The following UBR3 variants were observed in gnomAD, a reference collection of about 807,000 sequenced individuals.
UBR3 encodes the protein E3 ubiquitin-protein ligase UBR3.
In UBR3, 85 loss-of-function variants were observed where a neutral mutation model predicts 243.2. The ratio of observed to expected loss-of-function variants is 0.35; its 90% CI spans 0.29 to 0.42. UBR3 has a LOEUF of 0.42. Ranked by LOEUF, UBR3 falls within the 10% of genes least tolerant of loss-of-function variation. UBR3 has a pLI of 1.00. For missense variants in UBR3, 1,686 were observed against 2,300.8 expected, an observed-to-expected ratio of 0.73 and a Z score of 5.47; for synonymous variants, 748 against 799.8, an observed-to-expected ratio of 0.94 and a Z score of 1.09.
At chr2:170,080,468 A>C in intron 37 of UBR3, 77 bp from the exon 38 acceptor site, 1 of 1,329,896 alleles carries the variant, frequency 7.5e-7, no homozygotes, top group Non-Finnish European at 1.0e-6. Flanking sequence ...ATTATTTAGA[A>C]GGCATTAATA....
chr2:169,884,044 G>A (rs1304621189), intron 5 of UBR3, among the ~76,000 whole-genome samples: 1 of 152,008 alleles, frequency 6.6e-6, no homozygotes, highest in Non-Finnish European at 1.5e-5. Context: ...TGTTGGACAG[G>A]CTGGTCTTGA....
At chr2:169,981,565 A>G (rs1380016170) in intron 24 of UBR3, among the ~76,000 whole-genome samples, 1 of 152,220 alleles carries the variant, frequency 6.6e-6, no homozygotes, top group African/African-American at 2.4e-5. Flanking sequence ...TCTTCTTAGA[A>G]GAACATAAGG....
At chr2:169,911,146 A>G (rs1341440367) in intron 10 of UBR3, among the ~76,000 whole-genome samples, 2 of 152,174 alleles carry the variant, frequency 1.3e-5, no homozygotes, top group African/African-American at 2.4e-5. Flanking sequence ...TAGCTCAGTC[A>G]GTAGAGCATC....
intron 35 of UBR3, among the ~76,000 whole-genome samples, chr2:170,069,586 C>T (rs2091653092): frequency 6.6e-6 from 1 of 151,988 alleles, no homozygotes; most frequent in South Asian, 2.1e-4. Context: ...GCCAACATCT[C>T]CCCATTTCTC....
chr2:169,878,689 G>A (rs935267889), intron 5 of UBR3, 115 bp downstream of exon 5: 23 of 970,212 alleles, frequency 2.4e-5, no homozygotes, highest in Non-Finnish European at 3.3e-5. Flanking sequence ...TAGGCATTAT[G>A]TAGTTTAAGT....
At chr2:169,924,446 A>T (rs1339108121) in intron 13 of UBR3, among the ~76,000 whole-genome samples, 1 of 152,124 alleles carries the variant, frequency 6.6e-6, no homozygotes, top group Non-Finnish European at 1.5e-5. Flanking sequence ...GAGTCAGGAG[A>T]TCCAAAAGAT....
chr2:169,936,286 C>T (rs913701149), intron 19 of UBR3, among the ~76,000 whole-genome samples: 92 of 151,990 alleles, frequency 6.1e-4, no homozygotes, highest in Admixed American at 4.3e-3. Flanking sequence ...CTCGAACTCC[C>T]GACCTCAGGT....
chr2:169,995,531 T>A (rs1159572088), intron 26 of UBR3, among the ~76,000 whole-genome samples: 4 of 152,240 alleles, frequency 2.6e-5, no homozygotes, highest in African/African-American at 9.6e-5. Context: ...TTGTTCCACA[T>A]CATCTGCTTA....
At chr2:169,875,057 A>G (rs1038237887) in intron 2 of UBR3, among the ~76,000 whole-genome samples, 1 of 151,140 alleles carries the variant, frequency 6.6e-6, no homozygotes, top group Non-Finnish European at 1.5e-5. Flanking sequence ...ACAATTATTC[A>G]TATTTATGAA....
At chr2:170,017,536 C>G (rs1470053974) in intron 30 of UBR3, among the ~76,000 whole-genome samples, 3 of 43,832 alleles carry the variant, frequency 6.8e-5, no homozygotes, top group East Asian at 7.6e-4. Flanking sequence ...CACACACACA[C>G]ACACACACAG....
At chr2:169,882,276 C>T (rs2083908584) in intron 5 of UBR3, among the ~76,000 whole-genome samples, 1 of 130,286 alleles carries the variant, frequency 7.7e-6, no homozygotes, top group Admixed American at 8.2e-5. Context: ...ATTTGTATAT[C>T]ATATATTTAT....
At chr2:169,842,091 G>A (rs1360353126) in intron 1 of UBR3, among the ~76,000 whole-genome samples, 1 of 152,126 alleles carries the variant, frequency 6.6e-6, no homozygotes, top group Non-Finnish European at 1.5e-5. Flanking sequence ...GTTTGTGAGT[G>A]CACCAATCGA....
chr2:169,846,709 C>CAAA (rs58234876), intron 1 of UBR3, among the ~76,000 whole-genome samples: 8 of 114,734 alleles, frequency 7.0e-5, no homozygotes, highest in South Asian at 5.6e-4. Flanking sequence ...GACTCTGTCT[C>CAAA]AAAAAAAAAA....
chr2:169,907,036 CTTTTTTT>C (rs36078695), intron 10 of UBR3, among the ~76,000 whole-genome samples: 4 of 112,338 alleles, frequency 3.6e-5, no homozygotes, highest in East Asian at 2.6e-4. Flanking sequence ...AAATTTCTTT[CTTTTTTT>C]TTTTTTTTTT....
intron 1 of UBR3, among the ~76,000 whole-genome samples, chr2:169,834,099 G>A (rs2082015839): frequency 6.6e-6 from 1 of 152,178 alleles, no homozygotes; most frequent in South Asian, 2.1e-4. Context: ...GGCCTGTGTT[G>A]TGGGAGGTTT....
At chr2:169,998,428 T>C (rs1366366155) in intron 26 of UBR3, among the ~76,000 whole-genome samples, 6 of 152,262 alleles carry the variant, frequency 3.9e-5, no homozygotes, top group African/African-American at 1.4e-4. Context: ...TTTTTATTCC[T>C]ACATCATTAC....
chr2:170,019,020 A>C (rs1285502265), intron 30 of UBR3, among the ~76,000 whole-genome samples: 3 of 152,172 alleles, frequency 2.0e-5, no homozygotes, highest in Non-Finnish European at 4.4e-5. Flanking sequence ...TAATATAAAA[A>C]ATTATTTCAT....
At chr2:169,938,963 A>G (rs903153272) in intron 19 of UBR3, among the ~76,000 whole-genome samples, 4 of 152,140 alleles carry the variant, frequency 2.6e-5, no homozygotes, top group Admixed American at 2.6e-4. Flanking sequence ...TTAAAACTAC[A>G]CATTCACTTT....
chr2:170,033,246 T>C (rs990016259), intron 31 of UBR3, among the ~76,000 whole-genome samples: 2 of 152,094 alleles, frequency 1.3e-5, no homozygotes, highest in Non-Finnish European at 2.9e-5. Flanking sequence ...TAATAATTAA[T>C]GGACATTAGG....
Sources: gnomAD v4.1 joint callset for allele counts (sites outside exome capture counted in the v4.1 genomes callset) on GRCh38, gnomAD v4.1.1 for gene constraint, MANE v1.5 for transcripts, NCBI Gene and HGNC (gene_info 2026-07-23, HGNC 2026-07-21) for gene names.